The following TCF12 variants were observed in gnomAD, a reference collection of about 807,000 sequenced individuals.
TCF12 encodes the protein transcription factor 12, also known as DNA-binding protein HTF4.
In TCF12, 45 loss-of-function variants were observed where a neutral mutation model predicts 86.0. That is an observed-to-expected ratio of 0.52 (90% CI 0.41 to 0.67). The LOEUF (loss-of-function observed/expected upper bound fraction) is 0.67, where lower values mean the gene tolerates loss of function less well. Ranked by LOEUF, TCF12 falls within the 30% of genes least tolerant of loss-of-function variation. The pLI, the probability that TCF12 is intolerant of heterozygous loss-of-function variation, is 0.00. For synonymous variants in TCF12, 330 were observed against 299.6 expected (o/e 1.10, Z -1.05); for missense variants, 881 against 859.9 (o/e 1.02, Z -0.31).
At position 57,219,566 on chromosome 15, in the gene TCF12, G is replaced by T. The variant is rs764369645; in HGVS notation, c.580-11586G>T. ...TCCCTGGAATGGGCAGCAATTCTTT[G>T]ATGTATTACTACAATGGGAAAACGG... On this transcript the variant is annotated intron_variant, in intron 8 of 20. Transcript: ENST00000333725. 16 of 1,613,314 alleles carry T rather than the reference G, an allele frequency of 9.9e-6. No homozygotes were observed. In the African/African-American group the frequency reaches 1.6e-4, roughly 16 times the overall value.
intron 3 of TCF12, among the ~76,000 whole-genome samples, chr15:57,008,131 C>CT (rs767016884): frequency 9.2e-4 from 128 of 138,886 alleles, no homozygotes; most frequent in Middle Eastern, 4.0e-3. Context: ...TGGCTGATTT[C>CT]TTTTTTTTTT....
At chr15:57,150,527 C>T (rs148265926) in intron 5 of TCF12, among the ~76,000 whole-genome samples, 187 of 152,240 alleles carry the variant, frequency 1.2e-3, no homozygotes, top group Admixed American at 3.7e-3. Context: ...CTTGCCAGAA[C>T]AAAGTCTGAC....
intron 3 of TCF12, among the ~76,000 whole-genome samples, chr15:57,034,865 G>A (rs2066407906): frequency 6.6e-6 from 1 of 152,092 alleles, no homozygotes; most frequent in Non-Finnish European, 1.5e-5. Context: ...GAAATAATCT[G>A]TAAGCTTTAC....
chr15:57,055,107 T>C (rs1364109104), intron 3 of TCF12, among the ~76,000 whole-genome samples: 1 of 151,650 alleles, frequency 6.6e-6, no homozygotes, highest in Non-Finnish European at 1.5e-5. Context: ...GATAACATTA[T>C]CCTTCAACCT....
At chr15:57,109,331 G>C (rs1386021643) in intron 5 of TCF12, 1 of 152,042 alleles carries the variant, frequency 6.6e-6, no homozygotes, top group Non-Finnish European at 1.5e-5. Flanking sequence ...CTGAGATCCT[G>C]TTTTATGAAG....
At chr15:57,075,792 T>TCTCTCTCTC (rs1567370227) in intron 4 of TCF12, among the ~76,000 whole-genome samples, 2 of 35,084 alleles carry the variant, frequency 5.7e-5, no homozygotes, top group African/African-American at 2.1e-4. Context: ...CTTTCTTTCT[T>TCTCTCTCTC]TCTTTCTTTC....
At chr15:57,013,706 G>A (rs1164069600) in intron 3 of TCF12, among the ~76,000 whole-genome samples, 2 of 152,164 alleles carry the variant, frequency 1.3e-5, no homozygotes, top group East Asian at 3.8e-4. Flanking sequence ...ATAATGTAGA[G>A]GAGATAACTA....
chr15:56,919,819 A>C (rs910341798), intron 1 of TCF12, 73 bp from the exon 2 acceptor site: 238 of 1,344,140 alleles, frequency 1.8e-4, no homozygotes, highest in Middle Eastern at 3.9e-4. Context: ...AATCTTCCCC[A>C]GTACCTCTCT....
chr15:57,173,670 A>T (rs1433810323), intron 6 of TCF12, among the ~76,000 whole-genome samples: 1 of 152,020 alleles, frequency 6.6e-6, no homozygotes, highest in Non-Finnish European at 1.5e-5. Context: ...TACCAAGAGG[A>T]GACAAATTGA....
At chr15:57,081,725 G>C (rs1184854197) in intron 4 of TCF12, among the ~76,000 whole-genome samples, 1 of 151,910 alleles carries the variant, frequency 6.6e-6, no homozygotes, top group Admixed American at 6.6e-5. Context: ...TTGTTTGTTT[G>C]TTGTTTTTGT....
At chr15:57,072,573 A>G in intron 4 of TCF12, 1 of 902,658 alleles carries the variant, frequency 1.1e-6, no homozygotes, top group South Asian at 1.9e-5. Flanking sequence ...TATACATTTT[A>G]TAGCTACTAG....
chr15:57,165,453 A>T (rs1392153789), intron 5 of TCF12, among the ~76,000 whole-genome samples: 3 of 152,208 alleles, frequency 2.0e-5, no homozygotes, highest in African/African-American at 7.2e-5. Flanking sequence ...ATTTAAGAGT[A>T]TAAAACATAC....
chr15:57,075,444 C>T (rs1430754200), intron 4 of TCF12, among the ~76,000 whole-genome samples: 1 of 152,048 alleles, frequency 6.6e-6, no homozygotes, highest in Non-Finnish European at 1.5e-5. Flanking sequence ...ATTTCCTTGT[C>T]ACTGAAATTA....
At chr15:57,165,491 A>G (rs2054821070) in intron 5 of TCF12, among the ~76,000 whole-genome samples, 1 of 152,052 alleles carries the variant, frequency 6.6e-6, no homozygotes, top group Admixed American at 6.6e-5. Context: ...CATTATTATG[A>G]TAATGGTTAT....
rs971925669 is a variant in TCF12 at position 57,253,293 on chromosome 15, T to C, written c.1292T>C (p.Leu431Pro). The C allele has an allele frequency of 6.2e-7, 1 of 1,614,064 alleles. No homozygotes were observed. Among genetic ancestry groups the C allele is most frequent in the Non-Finnish European group, 8.5e-7 (1 of 1,179,960 alleles). ...CGAATGGAGGATCGTTTAGACAGAC[T>C]GGATGATGCAATCCATGTGCTGCGG... Reference protein sequence around the residue: ...QSRMEDRLDRLDDAIHVLRNH... With the variant: ...QSRMEDRLDRPDDAIHVLRNH... Residue 431 changes from leucine to proline, a missense_variant, in exon 16 of 21, where the codon CTG becomes CCG. Transcript: ENST00000333725.
Position 57,282,428 on chromosome 15 carries a change from C to A in TCF12, c.1979-17C>A, listed in dbSNP as rs777303555. 3.4e-5 allele frequency: 55 copies of A among 1,613,862 alleles called. 1 individual carries two copies. The highest frequency in any genetic ancestry group is 1.0e-4 in the Admixed American group (6 of 59,974). On this transcript the variant is annotated splice_polypyrimidine_tract_variant and intron_variant, in intron 19 of 20. Coordinates refer to ENST00000333725, the MANE Select transcript of TCF12 (RefSeq NM_207037.2). Reference sequence around the variant, plus strand: ...ACTTAAAACCATAGTGATAAAAATTCTTTCCCCCTGTTTTAGAGAGGAACC... The same window carrying A: ...ACTTAAAACCATAGTGATAAAAATTATTTCCCCCTGTTTTAGAGAGGAACC...
intron 3 of TCF12, among the ~76,000 whole-genome samples, chr15:56,983,016 A>G (rs752249460): frequency 2.0e-5 from 3 of 152,284 alleles, no homozygotes; most frequent in African/African-American, 4.8e-5. Context: ...TATGAAGGTC[A>G]GATGACATAT....
chr15:57,284,191 T>G lies in TCF12; in HGVS notation c.*11+1593T>G, dbSNP rs182060548. On this transcript the variant is annotated intron_variant, in intron 20 of 20. Transcript: ENST00000333725. The stretch of plus-strand genomic sequence containing the variant: ...GTTTTTTTGTTTGTTCTGGGATTTT[T>G]TTGTTGTTGTTGTTGTTTGTTTGTT... Among the ~76,000 whole-genome samples, 123 of 152,232 alleles carry G rather than the reference T, an allele frequency of 8.1e-4. 1 individual carries two copies. Among genetic ancestry groups the G allele is most frequent in the African/African-American group, 2.3e-3 (97 of 41,548 alleles).
intron 3 of TCF12, among the ~76,000 whole-genome samples, chr15:57,001,183 ATT>A (rs1217260168): frequency 6.6e-6 from 1 of 151,686 alleles, no homozygotes; most frequent in Non-Finnish European, 1.5e-5. Context: ...TGCCTGGCTA[ATT>A]TTTGTATTTT....
Sources: gnomAD v4.1 joint callset for allele counts (sites outside exome capture counted in the v4.1 genomes callset) on GRCh38, gnomAD v4.1.1 for gene constraint, MANE v1.5 for transcripts, NCBI Gene and HGNC (gene_info 2026-07-23, HGNC 2026-07-21) for gene names.